The following GALNTL5 variants were observed in gnomAD, a reference collection of about 807,000 sequenced individuals.
GALNTL5 encodes the protein polypeptide N-acetylgalactosaminyltransferase like 5.
In GALNTL5, 44 loss-of-function variants were observed where a neutral mutation model predicts 51.0. The ratio of observed to expected loss-of-function variants is 0.86; its 90% CI spans 0.68 to 1.11. The LOEUF is 1.11. GALNTL5 is among the 50% of genes least tolerant of loss of function. GALNTL5 has a pLI of 0.00. For missense variants in GALNTL5, 528 were observed against 531.8 expected (o/e 0.99, Z 0.07); for synonymous variants, 192 against 182.8 (o/e 1.05, Z -0.41).
chr7:151,980,859 C>T (rs1176905655), intron 3 of GALNTL5, among the ~76,000 whole-genome samples: 1 of 143,988 alleles, frequency 6.9e-6, no homozygotes, highest in Admixed American at 7.0e-5. Flanking sequence ...CATTCTCCTG[C>T]CTCAGCCTCC....
intron 6 of GALNTL5, among the ~76,000 whole-genome samples, chr7:152,007,406 G>A (rs1184609778): frequency 7.2e-6 from 1 of 138,376 alleles, no homozygotes; most frequent in Non-Finnish European, 1.5e-5. Context: ...TAGTATTAAT[G>A]TTTTCTCTTT....
chr7:151,991,683 G>A (rs940624596), intron 5 of GALNTL5, among the ~76,000 whole-genome samples: 4 of 152,126 alleles, frequency 2.6e-5, no homozygotes, highest in African/African-American at 7.2e-5. Context: ...GGCTAATCAC[G>A]CTGTCTCTTG....
intron 4 of GALNTL5, among the ~76,000 whole-genome samples, chr7:151,985,313 A>G (rs1375820849): frequency 6.6e-6 from 1 of 152,132 alleles, no homozygotes; most frequent in African/African-American, 2.4e-5. Context: ...GCTGCTGCCA[A>G]CATGTGGGTG....
At chr7:151,965,585 T>C (rs1392056623) in intron 1 of GALNTL5, among the ~76,000 whole-genome samples, 3 of 152,122 alleles carry the variant, frequency 2.0e-5, no homozygotes, top group Non-Finnish European at 4.4e-5. Flanking sequence ...AAAATCAGCG[T>C]TAACAGTAGG....
chr7:151,996,764 A>G (rs2081505461), intron 5 of GALNTL5, among the ~76,000 whole-genome samples: 1 of 151,292 alleles, frequency 6.6e-6, no homozygotes, highest in Non-Finnish European at 1.5e-5. Context: ...ACAAATTAAA[A>G]CAAGATACAG....
intron 3 of GALNTL5, among the ~76,000 whole-genome samples, chr7:151,979,769 A>G (rs2081256405): frequency 6.6e-6 from 1 of 152,042 alleles, no homozygotes; most frequent in African/African-American, 2.4e-5. Flanking sequence ...GAAAGTTTTT[A>G]TAGACATACC....
At chr7:151,978,099 T>C (rs2081229915) in intron 3 of GALNTL5, among the ~76,000 whole-genome samples, 1 of 152,204 alleles carries the variant, frequency 6.6e-6, no homozygotes, top group African/African-American at 2.4e-5. Flanking sequence ...TGCTAGTTTA[T>C]AAGGTTAGTT....
chr7:151,995,339 T>G (rs908727537), intron 5 of GALNTL5: 3 of 135,420 alleles, frequency 2.2e-5, no homozygotes, highest in African/African-American at 8.1e-5. Flanking sequence ...CTACGATCAG[T>G]TGGTATGAAT....
At chr7:151,981,562 CT>C (rs2081287468) in intron 3 of GALNTL5, among the ~76,000 whole-genome samples, 1 of 20,324 alleles carries the variant, frequency 4.9e-5, no homozygotes, top group African/African-American at 1.9e-4. Flanking sequence ...TCCTTCCTTC[CT>C]TCCTTCCTTC....
intron 6 of GALNTL5, 131 bp from the exon 7 acceptor site, chr7:152,007,696 G>A: frequency 1.5e-6 from 1 of 676,826 alleles, no homozygotes. Flanking sequence ...GGGATTACAG[G>A]CATGAGCCTC....
chr7:151,977,908 T>A (rs923888384), intron 3 of GALNTL5, among the ~76,000 whole-genome samples: 1 of 152,144 alleles, frequency 6.6e-6, no homozygotes, highest in African/African-American at 2.4e-5. Flanking sequence ...CATACCTTCT[T>A]TCTCATTTTT....
At chr7:151,990,845 T>A (rs1166964612) in intron 5 of GALNTL5, among the ~76,000 whole-genome samples, 3 of 152,090 alleles carry the variant, frequency 2.0e-5, no homozygotes, top group African/African-American at 7.2e-5. Flanking sequence ...CATCCCTGAA[T>A]GACCACATGG....
chr7:151,970,957 ACC>A lies in GALNTL5; in HGVS notation c.261_262del (p.Asn87LysfsTer8). ...CATTTTCTTGCAGGTACAGATTTTA[ACC>A]ATACAAACCCAGAACTTCATAAAGA... is the stretch of plus-strand genomic sequence containing the variant. On this transcript the variant is annotated frameshift_variant, in exon 3 of 9. Transcript: ENST00000392800. LOFTEE classifies it high-confidence loss of function. The A allele has an allele frequency of 6.2e-7, 1 of 1,601,016 alleles. No homozygotes were observed. The highest frequency in any genetic ancestry group is 8.5e-7 in the Non-Finnish European group (1 of 1,169,638).
At chr7:151,993,010 G>A (rs2081446824) in intron 5 of GALNTL5, among the ~76,000 whole-genome samples, 1 of 152,088 alleles carries the variant, frequency 6.6e-6, no homozygotes, top group Non-Finnish European at 1.5e-5. Flanking sequence ...GGCCGAGGCG[G>A]GCGGATCACC....
At chr7:151,957,574 A>AAGT (rs2080941771) in intron 1 of GALNTL5, among the ~76,000 whole-genome samples, 2 of 149,686 alleles carry the variant, frequency 1.3e-5, no homozygotes, top group African/African-American at 4.9e-5. Flanking sequence ...AAGAAAAAAA[A>AAGT]AAAGAAAGAA....
At chr7:152,000,326 G>A (rs779964912) in intron 5 of GALNTL5, among the ~76,000 whole-genome samples, 1 of 152,200 alleles carries the variant, frequency 6.6e-6, no homozygotes, top group Non-Finnish European at 1.5e-5. Flanking sequence ...TTAAGGAGCT[G>A]AGAAGACAGA....
chr7:151,994,455 C>T (rs1462980973), intron 5 of GALNTL5, among the ~76,000 whole-genome samples: 2 of 152,052 alleles, frequency 1.3e-5, no homozygotes, highest in Non-Finnish European at 2.9e-5. Flanking sequence ...GACGCTGTCT[C>T]TCCAGTAGGG....
rs562335569 is a variant in GALNTL5 at position 152,019,870 on chromosome 7, G to A, written c.*69G>A. 2 of 1,336,658 alleles carry A rather than the reference G, an allele frequency of 1.5e-6. No individual in the cohort carries two copies. The highest frequency in any genetic ancestry group is 2.8e-5 in the South Asian group (2 of 71,098). The allele number at this position is 1,336,658 out of a possible 1,614,324, so 82.8% of individuals were successfully genotyped here. ...CTAGTCATTCAACATAGTGTCACAA[G>A]AGTGTAAGTTTGGAACATCGTGGAA... On this transcript the variant is annotated 3_prime_UTR_variant, in exon 9 of 9. Coordinates refer to ENST00000392800, the MANE Select transcript of GALNTL5 (RefSeq NM_145292.4).
chr7:151,997,028 T>C (rs962239490), intron 5 of GALNTL5, among the ~76,000 whole-genome samples: 13 of 152,210 alleles, frequency 8.5e-5, no homozygotes, highest in African/African-American at 3.1e-4. Flanking sequence ...TAACAAACGT[T>C]GCAATCCACA....
Sources: gnomAD v4.1 joint callset for allele counts (sites outside exome capture counted in the v4.1 genomes callset) on GRCh38, gnomAD v4.1.1 for gene constraint, MANE v1.5 for transcripts, NCBI Gene and HGNC (gene_info 2026-07-23, HGNC 2026-07-21) for gene names.